Variants in CDH18 observed in about 807,000 individuals in gnomAD.
CDH18 encodes the protein cadherin-18.
In CDH18, 31 loss-of-function variants were observed where a neutral mutation model predicts 67.9. The observed-to-expected ratio is 0.46, with a 90% CI of 0.34 to 0.62. The LOEUF is 0.62. Among genes scored for constraint, CDH18 ranks in the 20% least tolerant of loss-of-function variants. The probability of loss-of-function intolerance (pLI) is 0.01; values close to 1 mark genes in which losing one functional copy is unlikely to be tolerated. For missense variants in CDH18, 890 were observed against 975.5 expected (o/e 0.91, Z 1.17); for synonymous variants, 362 against 347.2 (o/e 1.04, Z -0.48).
chr5:19,503,076 C>G lies in CDH18; in HGVS notation c.1546G>C (p.Asp516His). 6.2e-7 allele frequency: 1 copy of G among 1,609,510 alleles called. No individual in the cohort carries two copies. Among genetic ancestry groups the G allele is most frequent in the Non-Finnish European group, 8.5e-7 (1 of 1,175,998 alleles). Residue 516 changes from aspartate (D) to histidine (H), a missense_variant, in exon 11 of 13, where the codon GAT becomes CAT. Coordinates refer to ENST00000382275, the MANE Select transcript of CDH18 (RefSeq NM_004934.5). ...IHTISATDKDDFANGPRFNFF... is the reference protein window; with the variant it reads ...IHTISATDKDHFANGPRFNFF... The stretch of plus-strand genomic sequence containing the variant: ...TTAAACCTTGGTCCATTGGCAAAAT[C>G]ATCTTTATCAGTGGCACTGATGGTA...
intron 5 of CDH18, among the ~76,000 whole-genome samples, chr5:19,666,343 A>T (rs1470313053): frequency 6.6e-6 from 1 of 150,892 alleles, no homozygotes; most frequent in Non-Finnish European, 1.5e-5. Flanking sequence ...CCTGGGCTCA[A>T]GCAATCCTCC....
chr5:19,728,808 T>G (rs1338185761), intron 4 of CDH18, among the ~76,000 whole-genome samples: 1 of 152,150 alleles, frequency 6.6e-6, no homozygotes, highest in Non-Finnish European at 1.5e-5. Flanking sequence ...CTCAGAGTAC[T>G]TCTCTGAAGG....
At chr5:19,741,015 T>G (rs1476289174) in intron 4 of CDH18, among the ~76,000 whole-genome samples, 1 of 151,884 alleles carries the variant, frequency 6.6e-6, no homozygotes, top group African/African-American at 2.4e-5. Context: ...CAGGTTACAT[T>G]TGCCCGCAAT....
rs377420269 is a variant in CDH18, at chr5:19,696,090, T to C, written c.643+25257A>G. Reference sequence around the variant, plus strand: ...ATTGATGGTTAAAATATATTCATGATAAACCTAGAAAGAACTGTGTAGGTA... The same window carrying C: ...ATTGATGGTTAAAATATATTCATGACAAACCTAGAAAGAACTGTGTAGGTA... On this transcript the variant is annotated intron_variant, in intron 5 of 12. Transcript: ENST00000382275. 1.6e-4 allele frequency among the ~76,000 whole-genome samples: 25 copies of C among 152,294 alleles called. No individual in the cohort carries two copies. The East Asian group carries it at 3.3e-3, about 20-fold the overall frequency.
chr5:19,934,106 C>A (rs998221936), intron 2 of CDH18, among the ~76,000 whole-genome samples: 1 of 148,774 alleles, frequency 6.7e-6, no homozygotes, highest in Admixed American at 6.7e-5. Flanking sequence ...GTACTTAGGA[C>A]AACAGGTGGT....
chr5:20,023,235 C>T (rs536708590), intron 2 of CDH18, among the ~76,000 whole-genome samples: 1 of 152,188 alleles, frequency 6.6e-6, no homozygotes, highest in South Asian at 2.1e-4. Context: ...AAATCAATTC[C>T]CACAAACTAA....
At chr5:20,508,131 T>A (rs916684870) in intron 1 of CDH18, among the ~76,000 whole-genome samples, 16 of 151,720 alleles carry the variant, frequency 1.1e-4, no homozygotes, top group Non-Finnish European at 1.8e-4. Context: ...TTTAAAAATC[T>A]TCTGGCAAAT....
At chr5:19,908,639 T>C (rs1262178316) in intron 2 of CDH18, among the ~76,000 whole-genome samples, 1 of 152,200 alleles carries the variant, frequency 6.6e-6, no homozygotes, top group Non-Finnish European at 1.5e-5. Context: ...CTATTCCTTA[T>C]ACAGTATATT....
intron 2 of CDH18, among the ~76,000 whole-genome samples, chr5:19,993,214 T>C (rs1000651897): frequency 2.6e-5 from 4 of 152,122 alleles, no homozygotes; most frequent in Non-Finnish European, 5.9e-5. Context: ...GTATTAAATA[T>C]ATGGTAGTGG....
chr5:19,818,560 G>A (rs1196885527), intron 3 of CDH18, among the ~76,000 whole-genome samples: 1 of 152,126 alleles, frequency 6.6e-6, no homozygotes, highest in African/African-American at 2.4e-5. Context: ...TACATTCTGA[G>A]AAGTGCATCG....
intron 2 of CDH18, among the ~76,000 whole-genome samples, chr5:19,867,819 C>A (rs969590755): frequency 3.9e-5 from 6 of 152,086 alleles, no homozygotes; most frequent in Admixed American, 3.9e-4. Flanking sequence ...TGGCTGTTTG[C>A]CCACCCAAAT....
chr5:19,841,332 G>T (rs1782295583), intron 2 of CDH18, among the ~76,000 whole-genome samples: 1 of 151,980 alleles, frequency 6.6e-6, no homozygotes, highest in African/African-American at 2.4e-5. Flanking sequence ...CTTCAAAATG[G>T]CAAGAGCATT....
chr5:19,966,869 A>G (rs1183977674), intron 2 of CDH18, among the ~76,000 whole-genome samples: 5 of 152,050 alleles, frequency 3.3e-5, no homozygotes, highest in African/African-American at 1.2e-4. Context: ...AAAATAAAAC[A>G]TAATAAAAGA....
At chr5:19,927,325 T>C (rs1303026081) in intron 2 of CDH18, among the ~76,000 whole-genome samples, 1 of 152,126 alleles carries the variant, frequency 6.6e-6, no homozygotes, top group Non-Finnish European at 1.5e-5. Flanking sequence ...TGAGAATATA[T>C]TAACTCATTT....
At chr5:19,976,746 C>T (rs536749710) in intron 2 of CDH18, among the ~76,000 whole-genome samples, 1 of 151,936 alleles carries the variant, frequency 6.6e-6, no homozygotes, top group South Asian at 2.1e-4. Context: ...AGAATACCTA[C>T]AAATTTCAAA....
At chr5:20,445,886 G>A (rs868276379) in intron 1 of CDH18, among the ~76,000 whole-genome samples, 2 of 152,124 alleles carry the variant, frequency 1.3e-5, no homozygotes, top group Non-Finnish European at 2.9e-5. Flanking sequence ...CACTCTCAGA[G>A]GGAGAGTGGG....
chr5:20,560,252 A>T (rs1758124389), intron 1 of CDH18, among the ~76,000 whole-genome samples: 1 of 152,062 alleles, frequency 6.6e-6, no homozygotes, highest in South Asian at 2.1e-4. Context: ...ATGACTTTTA[A>T]ACAGTCATGG....
intron 1 of CDH18, among the ~76,000 whole-genome samples, chr5:20,422,397 A>G (rs1747933669): frequency 6.6e-6 from 1 of 151,056 alleles, no homozygotes; most frequent in African/African-American, 2.5e-5. Flanking sequence ...ATGATTTTAA[A>G]TAGCTCAGTT....
chr5:19,885,252 A>T (rs1788073649), intron 2 of CDH18, among the ~76,000 whole-genome samples: 1 of 152,130 alleles, frequency 6.6e-6, no homozygotes, highest in Non-Finnish European at 1.5e-5. Context: ...AACTTGTACA[A>T]TGTATATTAA....
Sources: gnomAD v4.1 joint callset for allele counts (sites outside exome capture counted in the v4.1 genomes callset) on GRCh38, gnomAD v4.1.1 for gene constraint, MANE v1.5 for transcripts, NCBI Gene and HGNC (gene_info 2026-07-23, HGNC 2026-07-21) for gene names.